The following ASNS variants were observed in gnomAD, a reference collection of about 807,000 sequenced individuals.
ASNS encodes asparagine synthetase (glutamine-hydrolyzing).
A neutral mutation model predicts 62.6 loss-of-function variants in ASNS; 37 were observed. The observed-to-expected ratio is 0.59, with a 90% CI of 0.45 to 0.78. ASNS has a LOEUF of 0.78. ASNS is among the 30% of genes least tolerant of loss of function. ASNS has a pLI of 0.00. For synonymous variants in ASNS, 207 were observed against 237.9 expected (o/e 0.87, Z 1.19); for missense variants, 520 against 682.4 (o/e 0.76, Z 2.65).
chr7:97,858,703 A>G (rs1791574459), intron 6 of ASNS, 151 bp downstream of exon 6: 1 of 818,854 alleles, frequency 1.2e-6, no homozygotes, highest in South Asian at 1.9e-5. Context: ...TGACTATTAA[A>G]TACAGCTTAT....
chr7:97,886,218 G>C, the ASNS span: 1 of 241,174 alleles, frequency 4.1e-6, no homozygotes, highest in African/African-American at 2.3e-5. Flanking sequence ...CATGATCTCA[G>C]CTCACTGAAA....
At chr7:97,904,516 G>A in the ASNS span, among the ~76,000 whole-genome samples, 142 of 152,104 alleles carry the variant, frequency 9.3e-4, no homozygotes, top group Non-Finnish European at 1.5e-3. Flanking sequence ...GCAATACCTC[G>A]AGTATCACCA....
At chr7:97,861,178 C>T (rs1453351057) in intron 4 of ASNS, among the ~76,000 whole-genome samples, 2 of 152,046 alleles carry the variant, frequency 1.3e-5, no homozygotes, top group African/African-American at 2.4e-5. Context: ...CCCGCCACCA[C>T]GCCCGGCTAA....
At chr7:97,921,426 G>A in the ASNS span, among the ~76,000 whole-genome samples, 1 of 152,304 alleles carries the variant, frequency 6.6e-6, no homozygotes, top group Admixed American at 6.5e-5. Context: ...AAATGGGTGT[G>A]GCTGTATTCC....
intron 4 of ASNS, among the ~76,000 whole-genome samples, chr7:97,861,681 A>G (rs906473523): frequency 5.9e-5 from 9 of 152,198 alleles, no homozygotes; most frequent in African/African-American, 2.2e-4. Flanking sequence ...TTTGAGAGTC[A>G]GCTTGTAGAT....
the ASNS span, among the ~76,000 whole-genome samples, chr7:97,888,745 G>C: frequency 6.6e-6 from 1 of 152,176 alleles, no homozygotes; most frequent in African/African-American, 2.4e-5. Flanking sequence ...GAGCTGATGA[G>C]GGTTAGTTGT....
chr7:97,876,806 G>A (rs1189109960), upstream of ASNS, among the ~76,000 whole-genome samples: 19 of 152,114 alleles, frequency 1.2e-4, no homozygotes, highest in Non-Finnish European at 1.9e-4. Flanking sequence ...ACACTGAGTT[G>A]GGATCTATCC....
chr7:97,858,554 G>C, intron 6 of ASNS, 149 bp from the exon 7 acceptor site: 1 of 1,018,284 alleles, frequency 9.8e-7, no homozygotes, highest in Non-Finnish European at 1.4e-6. Context: ...ACTTCAACAA[G>C]AGAAAAATAT....
At chr7:97,873,173 T>G (rs1792361190), upstream of ASNS, among the ~76,000 whole-genome samples, 1 of 152,244 alleles carries the variant, frequency 6.6e-6, no homozygotes, top group Non-Finnish European at 1.5e-5. Flanking sequence ...CAAAAAGGAT[T>G]TTGTCAACTT....
At chr7:97,928,201 T>G in the ASNS span, 1 of 1,528,900 alleles carries the variant, frequency 6.5e-7, no homozygotes, top group South Asian at 1.2e-5. Flanking sequence ...AGCCGCAGCC[T>G]CTTCTCTTCG....
At chr7:97,856,615 A>G in intron 8 of ASNS, 75 bp downstream of exon 8, 1 of 1,307,910 alleles carries the variant, frequency 7.6e-7, no homozygotes, top group East Asian at 2.5e-5. Context: ...TATGGCTTGA[A>G]ATAATTTTTT....
the ASNS span, among the ~76,000 whole-genome samples, chr7:97,894,123 C>A: frequency 1.3e-5 from 2 of 152,076 alleles, no homozygotes; most frequent in Non-Finnish European, 2.9e-5. Flanking sequence ...ATTGAATAAT[C>A]ATTGGGTCAA....
At chr7:97,884,802 C>G in the ASNS span, among the ~76,000 whole-genome samples, 1 of 152,306 alleles carries the variant, frequency 6.6e-6, no homozygotes, top group South Asian at 2.1e-4. Flanking sequence ...TCACAGAGCT[C>G]GGCAACCACC....
At chr7:97,898,570 C>A in the ASNS span, 2 of 599,450 alleles carry the variant, frequency 3.3e-6, no homozygotes, top group South Asian at 3.4e-5. Context: ...AATTTATTGA[C>A]CACTTCTTTC....
rs1376802315 is a variant in ASNS, at chr7:97,858,447, C to T, written c.776-42G>A. 4 of 1,611,522 alleles carry T rather than the reference C, an allele frequency of 2.5e-6. No individual in the cohort carries two copies. The African/African-American group carries it at 4.0e-5, about 16-fold the overall frequency. ...AAGTGGAAGTGTCCTAGTTATGTGCCTTGCATAAGACAGGGACAGAAGATG... is the reference window on the plus strand; with the variant it reads ...AAGTGGAAGTGTCCTAGTTATGTGCTTTGCATAAGACAGGGACAGAAGATG... On this transcript the variant is annotated intron_variant, in intron 6 of 12. Transcript: ENST00000394308.
intron 4 of ASNS, among the ~76,000 whole-genome samples, chr7:97,860,250 G>A (rs1224571379): frequency 6.6e-6 from 1 of 152,176 alleles, no homozygotes; most frequent in Admixed American, 6.5e-5. Context: ...AATCAGATGA[G>A]ATTTTGACAG....
the ASNS span, among the ~76,000 whole-genome samples, chr7:97,900,024 T>A: frequency 6.6e-6 from 1 of 151,942 alleles, no homozygotes; most frequent in Non-Finnish European, 1.5e-5. Context: ...AAAACCACAA[T>A]GAGATACCAC....
chr7:97,892,643 C>T, the ASNS span, among the ~76,000 whole-genome samples: 1 of 151,974 alleles, frequency 6.6e-6, no homozygotes, highest in Non-Finnish European at 1.5e-5. Flanking sequence ...TACCCTAAAT[C>T]TCTCAAGTTC....
chr7:97,923,480 C>A, the ASNS span, among the ~76,000 whole-genome samples: 1 of 152,110 alleles, frequency 6.6e-6, no homozygotes, highest in Non-Finnish European at 1.5e-5. Flanking sequence ...ACTTGGGAGG[C>A]TGAGGGAGGA....
Sources: allele counts gnomAD v4.1 joint callset (sites outside exome capture counted in the v4.1 genomes callset), GRCh38; gene constraint gnomAD v4.1.1; transcripts MANE v1.5; gene names NCBI Gene and HGNC (gene_info 2026-07-23, HGNC 2026-07-21).